FGD6: variants seen among roughly 807,000 people sequenced by gnomAD.
The protein encoded by FGD6 is FYVE, RhoGEF and PH domain-containing protein 6.
A neutral mutation model predicts 149.4 loss-of-function variants in FGD6; 90 were observed. The ratio of observed to expected loss-of-function variants is 0.60; its 90% CI spans 0.51 to 0.72. FGD6 has a LOEUF of 0.72. Ranked by LOEUF, FGD6 falls within the 30% of genes least tolerant of loss-of-function variation. The probability of loss-of-function intolerance (pLI) is 0.00; values close to 1 mark genes in which losing one functional copy is unlikely to be tolerated. For missense variants in FGD6, 1,437 were observed against 1,684.8 expected (o/e 0.85, Z 2.57); for synonymous variants, 527 against 584.0 (o/e 0.90, Z 1.41).
chr12:95,206,941 A>G (rs1032654458), intron 2 of FGD6, among the ~76,000 whole-genome samples: 2 of 152,092 alleles, frequency 1.3e-5, no homozygotes, highest in African/African-American at 4.8e-5. Context: ...AATTTACTTT[A>G]CTTGGTACGC....
intron 2 of FGD6, among the ~76,000 whole-genome samples, chr12:95,195,100 A>G (rs1208435386): frequency 6.6e-6 from 1 of 152,206 alleles, no homozygotes; most frequent in Non-Finnish European, 1.5e-5. Context: ...GACTTCTATA[A>G]AAGTAAAATC....
chr12:95,135,918 A>T (rs1879652774), intron 7 of FGD6, among the ~76,000 whole-genome samples: 1 of 152,202 alleles, frequency 6.6e-6, no homozygotes, highest in African/African-American at 2.4e-5. Context: ...GTCAATCATC[A>T]GTTGCCACAA....
At chr12:95,150,896 A>T (rs1880291145) in intron 5 of FGD6, among the ~76,000 whole-genome samples, 1 of 152,094 alleles carries the variant, frequency 6.6e-6, no homozygotes, top group South Asian at 2.1e-4. Context: ...GGAGTTCGAG[A>T]CCAGCCTGGG....
At chr12:95,098,762 T>C (rs1878322068) in intron 14 of FGD6, among the ~76,000 whole-genome samples, 1 of 152,230 alleles carries the variant, frequency 6.6e-6, no homozygotes, top group Non-Finnish European at 1.5e-5. Context: ...CCTGGTACTT[T>C]TTCTGTGCAC....
intron 2 of FGD6, among the ~76,000 whole-genome samples, chr12:95,203,791 T>C (rs777048574): frequency 6.6e-5 from 10 of 152,214 alleles, no homozygotes; most frequent in Admixed American, 6.5e-4. Flanking sequence ...CAGGAAAAAC[T>C]TGGAATGTTT....
At chr12:95,103,313 T>A (rs1326299209) in intron 14 of FGD6, among the ~76,000 whole-genome samples, 1 of 152,236 alleles carries the variant, frequency 6.6e-6, no homozygotes, top group Non-Finnish European at 1.5e-5. Context: ...GATTGTGCAG[T>A]GGAGCATGCT....
chr12:95,103,234 A>G (rs1878506955), intron 14 of FGD6, among the ~76,000 whole-genome samples: 1 of 152,248 alleles, frequency 6.6e-6, no homozygotes, highest in South Asian at 2.1e-4. Context: ...AGTAAGTGTT[A>G]CAAAAGCGTT....
At chr12:95,095,512 T>G (rs943872621) in intron 14 of FGD6, among the ~76,000 whole-genome samples, 1 of 152,014 alleles carries the variant, frequency 6.6e-6, no homozygotes, top group African/African-American at 2.4e-5. Context: ...ACATGTTAGG[T>G]ATTATAAATA....
chr12:95,111,354 TC>T (rs2136243346), intron 9 of FGD6, among the ~76,000 whole-genome samples: 1 of 152,346 alleles, frequency 6.6e-6, no homozygotes, highest in Non-Finnish European at 1.5e-5. Flanking sequence ...CTCATCTATG[TC>T]TTTGCTGTCA....
At chr12:95,126,417 G>C (rs1162956463) in intron 8 of FGD6, 11 of 1,235,758 alleles carry the variant, frequency 8.9e-6, no homozygotes, top group African/African-American at 3.1e-5. Context: ...AACAATAAAG[G>C]TTCTTTAAAA....
At chr12:95,093,324 G>A (rs185289599) in intron 15 of FGD6, among the ~76,000 whole-genome samples, 51 of 152,200 alleles carry the variant, frequency 3.4e-4, no homozygotes, top group Non-Finnish European at 5.3e-4. Flanking sequence ...AAGGTGGGCA[G>A]ATCACAAGGT....
intron 5 of FGD6, among the ~76,000 whole-genome samples, chr12:95,148,899 T>C (rs528864959): frequency 2.6e-5 from 1 of 38,308 alleles, no homozygotes; most frequent in African/African-American, 1.2e-4. Flanking sequence ...ATATAAGATA[T>C]AGCATATATT....
chr12:95,146,524 A>G (rs988009385), intron 5 of FGD6, among the ~76,000 whole-genome samples: 1 of 152,166 alleles, frequency 6.6e-6, no homozygotes, highest in Non-Finnish European at 1.5e-5. Flanking sequence ...ATAAAATATT[A>G]AAATAGTGGG....
At chr12:95,213,955 G>A (rs1274952085) in intron 1 of FGD6, among the ~76,000 whole-genome samples, 1 of 152,222 alleles carries the variant, frequency 6.6e-6, no homozygotes, top group Admixed American at 6.5e-5. Flanking sequence ...GTACAGACCT[G>A]GCTGCCTCAC....
At chr12:95,160,680 TATG>T (rs1402748032) in intron 3 of FGD6, among the ~76,000 whole-genome samples, 3 of 152,160 alleles carry the variant, frequency 2.0e-5, no homozygotes, top group Admixed American at 6.5e-5. Context: ...TCAAACAGCT[TATG>T]ATATTTTAAT....
chr12:95,109,389 G>A (rs1233586187), intron 9 of FGD6, among the ~76,000 whole-genome samples: 2 of 152,164 alleles, frequency 1.3e-5, no homozygotes, highest in Non-Finnish European at 2.9e-5. Flanking sequence ...GGCCTTTGGT[G>A]GGTAGGAGGC....
At chr12:95,092,181 G>A (rs1415770561) in intron 16 of FGD6, among the ~76,000 whole-genome samples, 2 of 152,170 alleles carry the variant, frequency 1.3e-5, no homozygotes, top group East Asian at 3.8e-4. Flanking sequence ...CCACGTCTCT[G>A]CAACTCTACC....
chr12:95,110,523 T>G (rs1592836044), intron 9 of FGD6, among the ~76,000 whole-genome samples: 1 of 151,898 alleles, frequency 6.6e-6, no homozygotes, highest in East Asian at 1.9e-4. Flanking sequence ...GCCCAGCTAA[T>G]TTTTGTATTT....
chr12:95,113,629 T>C (rs368424251), intron 9 of FGD6, 22 bp downstream of exon 9: 149 of 1,564,172 alleles, frequency 9.5e-5, no homozygotes, highest in Non-Finnish European at 1.3e-4. Flanking sequence ...TAAAAACTTC[T>C]GCAACCACAG....
Sources: gnomAD v4.1 joint callset for allele counts (sites outside exome capture counted in the v4.1 genomes callset) on GRCh38, gnomAD v4.1.1 for gene constraint, MANE v1.5 for transcripts, NCBI Gene and HGNC (gene_info 2026-07-23, HGNC 2026-07-21) for gene names.